The following RECQL5 variants were observed in gnomAD, a reference collection of about 807,000 sequenced individuals.
The protein encoded by RECQL5 is RecQ like helicase 5, also known as ATP-dependent DNA helicase Q5.
RECQL5 carries 88 observed loss-of-function variants against 103.4 expected under a neutral mutation model. The observed-to-expected ratio is 0.85, with a 90% confidence interval of 0.72 to 1.02. The LOEUF (loss-of-function observed/expected upper bound fraction) is 1.02, where lower values mean the gene tolerates loss of function less well. RECQL5 is among the 50% of genes least tolerant of loss of function. RECQL5 has a pLI of 0.00. For missense variants in RECQL5, 1,232 were observed against 1,284.3 expected (o/e 0.96, Z 0.62); for synonymous variants, 552 against 507.9 (o/e 1.09, Z -1.17).
chr17:75,642,011 A>G (rs2059441236), intron 8 of RECQL5, among the ~76,000 whole-genome samples: 1 of 152,232 alleles, frequency 6.6e-6, no homozygotes, highest in African/African-American at 2.4e-5. Context: ...GCATATCTTT[A>G]GAGCCCCATC....
At chr17:75,659,763 G>T (rs561937585) in intron 6 of RECQL5, among the ~76,000 whole-genome samples, 1 of 152,304 alleles carries the variant, frequency 6.6e-6, no homozygotes, top group African/African-American at 2.4e-5. Flanking sequence ...CGAAGACCAT[G>T]TATGCAAACA....
At chr17:75,643,374 G>A (rs899580316) in intron 8 of RECQL5, among the ~76,000 whole-genome samples, 1 of 152,240 alleles carries the variant, frequency 6.6e-6, no homozygotes, top group African/African-American at 2.4e-5. Flanking sequence ...GCACAGACAG[G>A]CCGAATGGCC....
chr17:75,651,051 G>T, intron 8 of RECQL5, 135 bp downstream of exon 8: 1 of 1,572,488 alleles, frequency 6.4e-7, no homozygotes, highest in South Asian at 1.2e-5. Flanking sequence ...CACACTGCCC[G>T]ACACAACAGC....
At chr17:75,650,800 G>A in intron 8 of RECQL5, 3 of 1,551,124 alleles carry the variant, frequency 1.9e-6, no homozygotes, top group Non-Finnish European at 2.6e-6. Flanking sequence ...TTCTGTGTGG[G>A]TCCTGGATAA....
chr17:75,658,472 A>C lies in RECQL5; in HGVS notation c.987-12T>G. 6.2e-7 allele frequency: 1 copy of C among 1,612,678 alleles called. No individual in the cohort carries two copies. Among genetic ancestry groups the C allele is most frequent in the Non-Finnish European group, 8.5e-7 (1 of 1,179,130 alleles). ...AATGGGCGACAAACCTGTAGGATCC[A>C]AAGGGACAAGCAGCATGAGATGGTG... On this transcript the variant is annotated splice_polypyrimidine_tract_variant and intron_variant, in intron 6 of 19. Transcript: ENST00000317905.
At chr17:75,651,434 C>T (rs912472497) in intron 7 of RECQL5, among the ~76,000 whole-genome samples, 169 bp from the exon 8 acceptor site, 1 of 152,036 alleles carries the variant, frequency 6.6e-6, no homozygotes, top group Non-Finnish European at 1.5e-5. Flanking sequence ...CCAGCCTGAC[C>T]TACATGGTGA....
chr17:75,628,702 T>G lies in RECQL5; in HGVS notation c.2550A>C (p.Thr850=). The change falls in exon 17 of 20, where the codon ACA becomes ACC. Residue 850 remains threonine, a synonymous_variant. Coordinates refer to ENST00000317905, the MANE Select transcript of RECQL5 (RefSeq NM_004259.7). Reference sequence around the variant, plus strand: ...GGGATCGAGGCCGCTTGCCCTTCCATGTGTCCTTTGCAGGGGTGGGCTGGA... The same window carrying G: ...GGGATCGAGGCCGCTTGCCCTTCCAGGTGTCCTTTGCAGGGGTGGGCTGGA... The part of the protein sequence containing the change: ...PEVQPTPAKD[T]WKGKRPRSQQ... 6.3e-7 allele frequency: 1 copy of G among 1,591,060 alleles called. No individual in the cohort carries two copies. The highest frequency in any genetic ancestry group is 8.5e-7 in the Non-Finnish European group (1 of 1,174,422).
chr17:75,641,008 C>T, intron 8 of RECQL5: 1 of 1,472,202 alleles, frequency 6.8e-7, no homozygotes, highest in Non-Finnish European at 9.0e-7. Context: ...TCCCCTGGCC[C>T]CAGCTCTGGC....
intron 7 of RECQL5, among the ~76,000 whole-genome samples, chr17:75,654,916 T>C (rs974664384): frequency 9.9e-5 from 15 of 152,012 alleles, no homozygotes; most frequent in African/African-American, 3.4e-4. Flanking sequence ...CCTCAGCCTC[T>C]TGCGTAGCTG....
chr17:75,630,095 C>T, intron 14 of RECQL5, 89 bp downstream of exon 14: 2 of 1,204,840 alleles, frequency 1.7e-6, no homozygotes, highest in Non-Finnish European at 2.3e-6. Context: ...TTCTGGGCTG[C>T]CTGAGCCCAG....
At chr17:75,650,689 A>G in intron 8 of RECQL5, 2 of 1,614,052 alleles carry the variant, frequency 1.2e-6, no homozygotes, top group South Asian at 2.2e-5. Flanking sequence ...AGCAGCCCTC[A>G]GACTCTTTCC....
chr17:75,666,903 G>C (rs1028900387), intron 1 of RECQL5, 141 bp downstream of exon 1: 11 of 274,030 alleles, frequency 4.0e-5, no homozygotes, highest in African/African-American at 1.6e-4. Flanking sequence ...TCCACCACCT[G>C]CTCCTACTTC....
At chr17:75,642,180 C>A (rs990782049) in intron 8 of RECQL5, among the ~76,000 whole-genome samples, 3 of 152,152 alleles carry the variant, frequency 2.0e-5, no homozygotes, top group African/African-American at 7.2e-5. Context: ...GGTAGAGCTA[C>A]GAACCCAGGA....
At chr17:75,661,094 G>T in intron 5 of RECQL5, 28 bp from the exon 6 acceptor site, 2 of 1,572,144 alleles carry the variant, frequency 1.3e-6, no homozygotes, top group Non-Finnish European at 1.8e-6. Context: ...ATGGAGAAGG[G>T]AACTCACATT....
rs773060792 is a variant in RECQL5 at position 75,627,236 on chromosome 17, G to C, written c.*186C>G. On this transcript the variant is annotated 3_prime_UTR_variant, in exon 20 of 20. Coordinates refer to ENST00000317905, the MANE Select transcript of RECQL5 (RefSeq NM_004259.7). ...GAAGGGTCTATAGGCTTTGCAAGCA[G>C]AAAGAAAGGTGGGCTGACCTCTGAC... is the stretch of plus-strand genomic sequence containing the variant. 3.0e-6 allele frequency: 2 copies of C among 674,052 alleles called. No individual in the cohort carries two copies. The highest frequency in any genetic ancestry group is 3.1e-5 in the South Asian group (2 of 64,304). The allele number at this position is 674,052 out of a possible 1,614,324, so 41.8% of individuals were successfully genotyped here.
At position 75,639,937 on chromosome 17, in the gene RECQL5, C is replaced by T. The variant is rs1048415192; in HGVS notation, c.1230-8269G>A. 21 of 393,370 alleles carry T rather than the reference C, an allele frequency of 5.3e-5. No individual in the cohort carries two copies. The South Asian group carries it at 5.7e-4, about 11-fold the overall frequency. 24.4% of individuals were successfully genotyped at this position (393,370 alleles called of 1,614,324 possible). ...AGCCGCCGCCTTGGCCGGCAGCCCC[C>T]GAAGCAAGCCCTTGGTCTCACTGTC... On this transcript the variant is annotated intron_variant, in intron 8 of 19. Coordinates refer to ENST00000317905, the MANE Select transcript of RECQL5 (RefSeq NM_004259.7).
Position 75,627,694 on chromosome 17 carries a change from T to C in RECQL5, c.2806-2A>G, listed in dbSNP as rs201841487. The C allele has an allele frequency of 5.8e-4, 928 of 1,602,070 alleles. 1 individual carries two copies. The highest frequency in any genetic ancestry group is 6.4e-4 in the Non-Finnish European group (747 of 1,174,110). On this transcript the variant is annotated splice_acceptor_variant, in intron 18 of 19. Transcript: ENST00000317905. LOFTEE classifies it high-confidence loss of function. ...GCGGGCAAAGCCTTTAAACAACTCC[T>C]GGAAGGGAGAGGGAGAAGAGAAGCA...
rs756023270 is a variant in RECQL5 at position 75,665,141 on chromosome 17, T to C, written c.162A>G (p.Thr54=). 5.0e-6 allele frequency: 8 copies of C among 1,612,096 alleles called. No homozygotes were observed. Among genetic ancestry groups the C allele is most frequent in the Non-Finnish European group, 1.7e-6 (2 of 1,179,364 alleles). Reference sequence around the variant, plus strand: ...GATAGCATAGGGATTTTCCTGCCCCTGTGGGCATGCACACAAAGACGTCCT... The same window carrying C: ...GATAGCATAGGGATTTTCCTGCCCCCGTGGGCATGCACACAAAGACGTCCT... ...GNKDVFVCMP[T]GAGKSLCYQL... is the part of the protein sequence containing the mutation. The change falls in exon 3 of 20, where the codon ACA becomes ACG. Residue 54 remains threonine, a synonymous_variant. Coordinates refer to ENST00000317905, the MANE Select transcript of RECQL5 (RefSeq NM_004259.7).
chr17:75,664,850 C>G (rs2059746259), intron 3 of RECQL5, among the ~76,000 whole-genome samples: 1 of 147,296 alleles, frequency 6.8e-6, no homozygotes. Context: ...GAGGTGGAGG[C>G]TGCAGTGAGC....
Sources: gnomAD v4.1 joint callset for allele counts (sites outside exome capture counted in the v4.1 genomes callset) on GRCh38, gnomAD v4.1.1 for gene constraint, MANE v1.5 for transcripts, NCBI Gene and HGNC (gene_info 2026-07-23, HGNC 2026-07-21) for gene names.